Variants in SCML2 observed in about 807,000 individuals in gnomAD.
SCML2 encodes the protein Scm polycomb group protein like 2.
In SCML2, 6 loss-of-function variants were observed where a neutral mutation model predicts 48.4. That is an observed-to-expected ratio of 0.12 (90% CI 0.07 to 0.24). The LOEUF (loss-of-function observed/expected upper bound fraction) is 0.24, where lower values mean the gene tolerates loss of function less well. Among genes scored for constraint, SCML2 ranks in the 10% least tolerant of loss-of-function variants. The pLI, the probability that SCML2 is intolerant of heterozygous loss-of-function variation, is 1.00. For missense variants in SCML2, 377 were observed against 528.2 expected (o/e 0.71, Z 2.81); for synonymous variants, 181 against 189.5 (o/e 0.95, Z 0.37).
intron 1 of SCML2, among the ~76,000 whole-genome samples, chrX:18,340,918 T>C (rs962062641): frequency 2.7e-5 from 3 of 111,947 alleles, no homozygotes; most frequent in African/African-American, 3.2e-5. Flanking sequence ...ATAACTATAT[T>C]TATCAAATAC....
chrX:18,321,372 A>G (rs1356889578), intron 5 of SCML2, among the ~76,000 whole-genome samples: 1 of 110,740 alleles, frequency 9.0e-6, no homozygotes, highest in Non-Finnish European at 1.9e-5. Context: ...AATCTGTTTC[A>G]TGCAACACCT....
chrX:18,326,699 A>G lies in SCML2; in HGVS notation c.92-1722T>C, dbSNP rs771685060. On this transcript the variant is annotated intron_variant, in intron 3 of 14. Transcript: ENST00000251900. ...CATCTCAAAAAAAAAAAAAAAAAAG[A>G]ATGTGGGCTTTAGAGTCAGATCTGC... 6.5e-5 allele frequency among the ~76,000 whole-genome samples: 7 copies of G among 107,975 alleles called. No individual in the cohort carries two copies. In the East Asian group the frequency reaches 1.8e-3, roughly 27 times the overall value. The allele number at this position is 107,975 out of a possible 115,157, so 93.8% of individuals were successfully genotyped here. A position where few individuals can be genotyped will look rare whatever the true frequency, so the allele number is the denominator to read the frequency against.
chrX:18,313,370 GGTTTCC>G (rs1929022510), intron 6 of SCML2, among the ~76,000 whole-genome samples: 1 of 110,742 alleles, frequency 9.0e-6, no homozygotes, highest in Admixed American at 9.7e-5. Context: ...GTTTATCAGG[GGTTTCC>G]ACTTTTGCGT....
chrX:18,309,956 G>A (rs1381772601), intron 6 of SCML2, among the ~76,000 whole-genome samples: 1 of 111,420 alleles, frequency 9.0e-6, no homozygotes, highest in Non-Finnish European at 1.9e-5. Flanking sequence ...AAAAAATCAA[G>A]TGTCCATCAA....
At position 18,264,922 on chromosome X, in the gene SCML2, C is replaced by A. The variant is rs766411214; in HGVS notation, c.948+663G>T. ...CTTTCCCTTCCAAAATCCCTCCATT[C>A]CCTTTAACAGCCACAGTTTTCCTGG... On this transcript the variant is annotated intron_variant, in intron 8 of 14. Coordinates refer to ENST00000251900, the MANE Select transcript of SCML2 (RefSeq NM_006089.3). Among the ~76,000 whole-genome samples the A allele has an allele frequency of 8.5e-4, 95 of 111,709 alleles. No individual in the cohort carries two copies. In the Middle Eastern group the frequency reaches 0.019, roughly 22 times the overall value.
chrX:18,317,330 C>T (rs769050224), intron 6 of SCML2, among the ~76,000 whole-genome samples: 1 of 111,720 alleles, frequency 9.0e-6, no homozygotes, highest in Non-Finnish European at 1.9e-5. Flanking sequence ...GGAGATGACC[C>T]AATCATCCAT....
chrX:18,335,618 C>G (rs1038298298), intron 1 of SCML2, among the ~76,000 whole-genome samples: 2 of 112,221 alleles, frequency 1.8e-5, no homozygotes, highest in Non-Finnish European at 3.8e-5. Context: ...TCTCAAATAT[C>G]TAACCCATAG....
intron 7 of SCML2, among the ~76,000 whole-genome samples, chrX:18,266,046 T>A (rs1234424367): frequency 5.4e-5 from 6 of 111,648 alleles, no homozygotes; most frequent in African/African-American, 1.6e-4. Flanking sequence ...AATCAGTAAC[T>A]TCAACTTAGC....
At chrX:18,329,093 G>A in intron 3 of SCML2, among the ~76,000 whole-genome samples, 1 of 111,530 alleles carries the variant, frequency 9.0e-6, no homozygotes, top group East Asian at 2.8e-4. Flanking sequence ...TGTGGTGGTG[G>A]TTGCACAACT....
At chrX:18,262,238 TA>T (rs1034979662) in intron 8 of SCML2, among the ~76,000 whole-genome samples, 2 of 106,686 alleles carry the variant, frequency 1.9e-5, no homozygotes, top group African/African-American at 7.2e-5. Context: ...TTTGGGTCTT[TA>T]AAAAAAAATC....
chrX:18,352,890 G>A (rs1372525281), intron 1 of SCML2, among the ~76,000 whole-genome samples: 1 of 111,564 alleles, frequency 9.0e-6, no homozygotes, highest in South Asian at 3.7e-4. Flanking sequence ...AGGTTCTCTG[G>A]GGTAAACAAG....
chrX:18,243,348 C>T (rs972895122), intron 13 of SCML2, among the ~76,000 whole-genome samples: 2 of 112,189 alleles, frequency 1.8e-5, no homozygotes, highest in East Asian at 2.8e-4. Flanking sequence ...GCTGGAATTA[C>T]AGGCATGAGC....
intron 1 of SCML2, among the ~76,000 whole-genome samples, chrX:18,353,652 T>C (rs1222654729): frequency 8.9e-6 from 1 of 112,736 alleles, no homozygotes; most frequent in Non-Finnish European, 1.9e-5. Flanking sequence ...TAACAACCTC[T>C]TTTTAAAAAA....
At chrX:18,299,399 T>C (rs1928505796) in intron 7 of SCML2, among the ~76,000 whole-genome samples, 1 of 109,889 alleles carries the variant, frequency 9.1e-6, no homozygotes, top group South Asian at 3.9e-4. Context: ...ACGCCTGTAG[T>C]ACCAACTACT....
At chrX:18,308,817 A>G (rs1282127417) in intron 6 of SCML2, among the ~76,000 whole-genome samples, 1 of 111,981 alleles carries the variant, frequency 8.9e-6, no homozygotes, top group Non-Finnish European at 1.9e-5. Flanking sequence ...GTGTCCATCC[A>G]TGAACAGATA....
chrX:18,241,209 G>A lies in SCML2; in HGVS notation c.*42C>T. 1 of 1,105,446 alleles carries A rather than the reference G, an allele frequency of 9.0e-7. No individual in the cohort carries two copies. The highest frequency in any genetic ancestry group is 2.5e-4 in the Middle Eastern group (1 of 3,950). The allele number at this position is 1,105,446 out of a possible 1,213,427, so 91.1% of individuals were successfully genotyped here. On this transcript the variant is annotated 3_prime_UTR_variant, in exon 15 of 15. Coordinates refer to ENST00000251900, the MANE Select transcript of SCML2 (RefSeq NM_006089.3). ...ATACTTTTAAATTAAAATGTTAACA[G>A]TACACCTGAGAATTATGTCCAATCT...
chrX:18,241,997 T>G (rs1379287439), intron 14 of SCML2, among the ~76,000 whole-genome samples: 3 of 112,063 alleles, frequency 2.7e-5, no homozygotes, highest in Non-Finnish European at 5.6e-5. Flanking sequence ...GGAAGCATAT[T>G]ATTTGGTATT....
In SCML2 at chrX:18,257,360, T is replaced by C. The variant is rs1298259776; in HGVS notation, c.1274-330A>G. Among the ~76,000 whole-genome samples the C allele has an allele frequency of 5.4e-5, 6 of 111,840 alleles. No homozygotes were observed. In the Admixed American group the frequency reaches 5.7e-4, roughly 11 times the overall value. On this transcript the variant is annotated intron_variant, in intron 10 of 14. Coordinates refer to ENST00000251900, the MANE Select transcript of SCML2 (RefSeq NM_006089.3). Reference sequence around the variant, plus strand: ...CCACCAACACTATCTTATTGCTTAGTGACTTCTTGAGTCACATATTTATTT... The same window carrying C: ...CCACCAACACTATCTTATTGCTTAGCGACTTCTTGAGTCACATATTTATTT...
At chrX:18,257,507 T>C (rs1926892143) in intron 10 of SCML2, among the ~76,000 whole-genome samples, 1 of 111,937 alleles carries the variant, frequency 8.9e-6, no homozygotes, top group Admixed American at 9.5e-5. Flanking sequence ...CTGACATCAT[T>C]TGTCCATTTT....
Sources: allele counts gnomAD v4.1 joint callset (sites outside exome capture counted in the v4.1 genomes callset), GRCh38; gene constraint gnomAD v4.1.1; transcripts MANE v1.5; gene names NCBI Gene and HGNC (gene_info 2026-07-23, HGNC 2026-07-21).